Variants in RDX observed in about 807,000 individuals in gnomAD.
The protein encoded by RDX is radixin.
Under a neutral mutation model 83.7 loss-of-function variants are expected in RDX, and 32 were observed. That is an observed-to-expected ratio of 0.38 (90% CI 0.29 to 0.51). The LOEUF (loss-of-function observed/expected upper bound fraction) is 0.51, where lower values mean the gene tolerates loss of function less well. RDX is among the 20% of genes least tolerant of loss of function. The probability of loss-of-function intolerance (pLI) is 0.87; values close to 1 mark genes in which losing one functional copy is unlikely to be tolerated. For synonymous variants in RDX, 229 were observed against 222.7 expected, an observed-to-expected ratio of 1.03 and a Z score of -0.25; for missense variants, 600 against 689.9, an observed-to-expected ratio of 0.87 and a Z score of 1.46.
exon 16 of RDX, chr11:110,175,057 G>C (rs1178576759): frequency 6.6e-6 from 1 of 151,040 alleles, no homozygotes; most frequent in East Asian, 1.9e-4. Context: ...CCTGTCTTGA[G>C]GCTTGTGGTG....
chr11:110,215,047 A>ATATATATATATAT (rs1555033344), intron 14 of RDX, among the ~76,000 whole-genome samples: 1 of 116,056 alleles, frequency 8.6e-6, no homozygotes, highest in South Asian at 2.6e-4. Flanking sequence ...AAAAAAAAAA[A>ATATATATATATAT]AAATATATAT....
At chr11:110,292,685 T>A in intron 1 of RDX, among the ~76,000 whole-genome samples, 1 of 151,622 alleles carries the variant, frequency 6.6e-6, no homozygotes, top group East Asian at 1.9e-4. Context: ...CTGAAAGCCA[T>A]AGAGATTATC....
At chr11:110,283,872 A>G (rs1860868663) in intron 1 of RDX, among the ~76,000 whole-genome samples, 1 of 151,460 alleles carries the variant, frequency 6.6e-6, no homozygotes, top group Non-Finnish European at 1.5e-5. Context: ...AATAAAAAAG[A>G]GTAGAAAAAT....
chr11:110,254,192 G>T (rs372548473), intron 8 of RDX, 83 bp from the exon 9 acceptor site: 7 of 1,165,534 alleles, frequency 6.0e-6, no homozygotes, highest in Non-Finnish European at 8.8e-6. Context: ...TTAACATGAG[G>T]TATGAATTTT....
At chr11:110,215,012 A>T (rs1214604712) in intron 14 of RDX, among the ~76,000 whole-genome samples, 7 of 141,714 alleles carry the variant, frequency 4.9e-5, no homozygotes, top group Non-Finnish European at 9.0e-5. Flanking sequence ...TGAAAAAAAT[A>T]AAAAAAACAT....
At chr11:110,246,513 G>A (rs900946910) in intron 10 of RDX, among the ~76,000 whole-genome samples, 27 of 152,128 alleles carry the variant, frequency 1.8e-4, no homozygotes, top group Non-Finnish European at 7.4e-5. Flanking sequence ...GGTGGCTCAC[G>A]CCTGTAATCC....
chr11:110,226,816 C>T (rs190295786), downstream of RDX, among the ~76,000 whole-genome samples: 803 of 152,114 alleles, frequency 5.3e-3, 7 homozygotes, highest in Middle Eastern at 0.014. Context: ...ACTTTATTAA[C>T]TGGTGTTTAA....
rs537871615 is a variant in RDX at position 110,246,746 on chromosome 11, T to C, written c.1090+957A>G. Among the ~76,000 whole-genome samples, 20 of 35,398 alleles carry C rather than the reference T, an allele frequency of 5.7e-4. No homozygotes were observed. In the South Asian group the frequency reaches 0.029, roughly 51 times the overall value. The allele number at this position is 35,398 out of a possible 152,430, so 23.2% of individuals were successfully genotyped here. ...GCACAGATGACAAAGTAAGACTGTG[T>C]CTCAAAAAAAAAAAAAAAGCTCCGA... On this transcript the variant is annotated intron_variant, in intron 10 of 13. Coordinates refer to ENST00000645495, the MANE Select transcript of RDX (RefSeq NM_002906.4).
At chr11:110,272,505 C>A in intron 3 of RDX, 31 bp downstream of exon 3, 2 of 1,409,954 alleles carry the variant, frequency 1.4e-6, no homozygotes, top group South Asian at 2.3e-5. Context: ...ACTATGGTGT[C>A]AAAAGTTGCA....
chr11:110,175,241 A>C (rs1344307138), intron 15 of RDX: 1 of 152,194 alleles, frequency 6.6e-6, no homozygotes, highest in Non-Finnish European at 1.5e-5. Context: ...AGCCCTGGAG[A>C]GTAAAAGGCA....
At chr11:110,215,542 G>A (rs964015421) in intron 14 of RDX, among the ~76,000 whole-genome samples, 12 of 152,104 alleles carry the variant, frequency 7.9e-5, no homozygotes, top group African/African-American at 2.7e-4. Context: ...AAGCCCACAT[G>A]CAGTGGTTCA....
chr11:110,199,920 T>G (rs1429417364), intron 14 of RDX, among the ~76,000 whole-genome samples: 2 of 152,196 alleles, frequency 1.3e-5, no homozygotes, highest in Non-Finnish European at 2.9e-5. Flanking sequence ...TAAACCTTCC[T>G]TTTAAATAGA....
chr11:110,250,290 T>G (rs1215662520), intron 9 of RDX, among the ~76,000 whole-genome samples: 2 of 152,188 alleles, frequency 1.3e-5, no homozygotes, highest in Non-Finnish European at 2.9e-5. Context: ...TTCAAGTAAT[T>G]GCTAGTAAGG....
At chr11:110,212,607 T>A (rs1591515713) in intron 14 of RDX, among the ~76,000 whole-genome samples, 1 of 73,274 alleles carries the variant, frequency 1.4e-5, no homozygotes, top group African/African-American at 5.7e-5. Flanking sequence ...GCAAAACGAA[T>A]CCAGCAGCAC....
intron 10 of RDX, among the ~76,000 whole-genome samples, chr11:110,247,265 T>C (rs968829961): frequency 1.3e-5 from 2 of 152,188 alleles, no homozygotes; most frequent in Non-Finnish European, 2.9e-5. Context: ...TTTTTAGGAA[T>C]TGAGTTCCAA....
chr11:110,177,406 T>C (rs903322331), intron 15 of RDX, among the ~76,000 whole-genome samples: 5 of 152,280 alleles, frequency 3.3e-5, no homozygotes, highest in Middle Eastern at 3.4e-3. Context: ...CCACACAGGG[T>C]TGTGGGATGT....
rs1381446861 is a variant in RDX, at chr11:110,295,120, T to TA, written c.-65+1346dup. The stretch of plus-strand genomic sequence containing the variant: ...GAAAGTATTATTAATCTCTGGAAGA[T>TA]AAAGCACACTGGGGAAAGCAAAGAA... On this transcript the variant is annotated intron_variant, in intron 1 of 13. Coordinates refer to ENST00000645495, the MANE Select transcript of RDX (RefSeq NM_002906.4). 2.6e-5 allele frequency among the ~76,000 whole-genome samples: 4 copies of TA among 152,170 alleles called. No homozygotes were observed. The East Asian group carries it at 5.8e-4, about 22-fold the overall frequency.
chr11:110,256,993 C>A (rs1290277835), intron 7 of RDX, among the ~76,000 whole-genome samples: 3 of 151,446 alleles, frequency 2.0e-5, no homozygotes, highest in African/African-American at 7.3e-5. Flanking sequence ...CATAGACTTG[C>A]ATGCTTATGT....
intron 1 of RDX, among the ~76,000 whole-genome samples, chr11:110,286,098 T>C (rs909755450): frequency 6.6e-6 from 1 of 152,170 alleles, no homozygotes; most frequent in Non-Finnish European, 1.5e-5. Context: ...TTAAACTTAA[T>C]TAAACCAATT....
Sources: gnomAD v4.1 joint callset for allele counts (sites outside exome capture counted in the v4.1 genomes callset) on GRCh38, gnomAD v4.1.1 for gene constraint, MANE v1.5 for transcripts, NCBI Gene and HGNC (gene_info 2026-07-23, HGNC 2026-07-21) for gene names.